The following LRRC53 variants were observed in gnomAD, a reference collection of about 807,000 sequenced individuals.
The protein encoded by LRRC53 is leucine-rich repeat-containing protein 53.
In LRRC53, 25 loss-of-function variants were observed where a neutral mutation model predicts 13.6. The ratio of observed to expected loss-of-function variants is 1.83; its 90% CI spans 1.34 to 2.56. The LOEUF (loss-of-function observed/expected upper bound fraction) is 2.56, where lower values mean the gene tolerates loss of function less well. Among genes scored for constraint, LRRC53 ranks in the 30% most tolerant of loss-of-function variants. LRRC53 has a pLI of 0.00. For synonymous variants in LRRC53, 204 were observed against 109.8 expected (o/e 1.86, Z -5.37); for missense variants, 527 against 275.8 (o/e 1.91, Z -6.45).
chr1:74,505,644 A>G (rs2100358025), intron 1 of LRRC53, among the ~76,000 whole-genome samples: 1 of 152,182 alleles, frequency 6.6e-6, no homozygotes, highest in Middle Eastern at 3.4e-3. Context: ...CCTTTTGCTT[A>G]CTCGTATTTG....
At chr1:74,485,917 T>G (rs1668734701) in intron 1 of LRRC53, among the ~76,000 whole-genome samples, 1 of 152,110 alleles carries the variant, frequency 6.6e-6, no homozygotes, top group Admixed American at 6.6e-5. Context: ...GCCTTGAGCC[T>G]CAGATGAGAA....
intron 3 of LRRC53, among the ~76,000 whole-genome samples, chr1:74,477,553 A>G: frequency 6.6e-6 from 1 of 152,194 alleles, no homozygotes; most frequent in East Asian, 1.9e-4. Context: ...TGAAGGAACA[A>G]AAGGGCTAAG....
At position 74,470,921 on chromosome 1, in the gene LRRC53, T is replaced by C. The variant is rs1667896029; in HGVS notation, c.2701A>G (p.Thr901Ala). The C allele has an allele frequency of 2.5e-6, 1 of 400,628 alleles. No individual in the cohort carries two copies. The highest frequency in any genetic ancestry group is 2.1e-5 in the African/African-American group (1 of 48,708). The allele number at this position is 400,628 out of a possible 1,614,324, so 24.8% of individuals were successfully genotyped here. A position where few individuals can be genotyped will look rare whatever the true frequency, so the allele number is the denominator to read the frequency against. Residue 901 changes from threonine to alanine, a missense_variant, in exon 5 of 5, where the codon ACA (threonine) becomes GCA (alanine). By Grantham distance (58) the Thr-to-Ala change is moderately conservative (BLOSUM62 0). Transcript: ENST00000294635. ...QHSRRATDQGTTESTEHMGQN... is the reference protein window; with the variant it reads ...QHSRRATDQGATESTEHMGQN... ...CCCATGTGCTCAGTGGACTCCGTTG[T>C]CCCTTGGTCAGTAGCCCTCCTGGAA...
intron 3 of LRRC53, among the ~76,000 whole-genome samples, chr1:74,478,924 T>C (rs967876901): frequency 6.6e-6 from 1 of 152,170 alleles, no homozygotes; most frequent in Non-Finnish European, 1.5e-5. Context: ...AAAGAATTTA[T>C]TTTCCTAACA....
chr1:74,500,897 T>C (rs1482367484), intron 1 of LRRC53, among the ~76,000 whole-genome samples: 1 of 152,094 alleles, frequency 6.6e-6, no homozygotes, highest in East Asian at 1.9e-4. Context: ...TTTAGAAGTC[T>C]TCTTTATCTT....
chr1:74,470,035 A>T lies in LRRC53; in HGVS notation c.3587T>A (p.Leu1196His). 2.5e-6 allele frequency: 1 copy of T among 400,730 alleles called. No individual in the cohort carries two copies. The highest frequency in any genetic ancestry group is 4.4e-6 in the Non-Finnish European group (1 of 226,172). 24.8% of individuals were successfully genotyped at this position (400,730 alleles called of 1,614,324 possible). ...GAMTVETHEALSFLPGLKDSF... is the reference protein window; with the variant it reads ...GAMTVETHEAHSFLPGLKDSF... ...GTCTTTTAACCCTGGTAAGAAGGAA[A>T]GCGCTTCATGTGTCTCCACTGTCAT... The change falls in exon 5 of 5, where the codon CTT (leucine) becomes CAT (histidine). Residue 1196 changes from leucine (L) to histidine (H), a missense_variant. By Grantham distance (99) the Leu-to-His change is moderately conservative. Coordinates refer to ENST00000294635, the MANE Select transcript of LRRC53 (RefSeq NM_001382280.1).
intron 1 of LRRC53, among the ~76,000 whole-genome samples, chr1:74,505,785 G>T (rs566048216): frequency 6.6e-6 from 1 of 152,220 alleles, no homozygotes; most frequent in East Asian, 1.9e-4. Context: ...AAAAATACTG[G>T]ACCCAGGAAG....
chr1:74,516,664 A>G (rs1646352528), upstream of LRRC53, among the ~76,000 whole-genome samples: 1 of 152,136 alleles, frequency 6.6e-6, no homozygotes, highest in African/African-American at 2.4e-5. Flanking sequence ...ATGGTCAGCC[A>G]CGTTTAAAAA....
the LRRC53 span, among the ~76,000 whole-genome samples, chr1:74,530,693 A>G: frequency 6.6e-6 from 1 of 150,516 alleles, no homozygotes; most frequent in East Asian, 2.0e-4. Context: ...AGTGGGCCTT[A>G]TCACTGTCAT....
intron 1 of LRRC53, among the ~76,000 whole-genome samples, chr1:74,506,436 A>AT (rs1401434473): frequency 6.6e-6 from 1 of 152,132 alleles, no homozygotes; most frequent in Non-Finnish European, 1.5e-5. Context: ...AAAGCCCATG[A>AT]TTTTTTTACT....
chr1:74,487,840 G>T (rs1166424144), intron 1 of LRRC53, among the ~76,000 whole-genome samples: 1 of 152,168 alleles, frequency 6.6e-6, no homozygotes, highest in Non-Finnish European at 1.5e-5. Context: ...ATCAAAGCTT[G>T]TTGGAGTCAG....
the LRRC53 span, among the ~76,000 whole-genome samples, chr1:74,527,061 T>C: frequency 2.6e-5 from 4 of 152,186 alleles, no homozygotes; most frequent in African/African-American, 9.7e-5. Flanking sequence ...AGCATAAAAA[T>C]CTATATTTGT....
At chr1:74,513,216 G>A (rs1448469315), upstream of LRRC53, among the ~76,000 whole-genome samples, 1 of 152,188 alleles carries the variant, frequency 6.6e-6, no homozygotes, top group Admixed American at 6.5e-5. Flanking sequence ...AGAGGTCCAC[G>A]TGTGCTTTCC....
intron 1 of LRRC53, chr1:74,492,205 A>G: frequency 6.2e-7 from 1 of 1,613,096 alleles, no homozygotes; most frequent in Non-Finnish European, 8.5e-7. Context: ...GGCAGCATTA[A>G]GAAGTCGTTT....
chr1:74,533,770 G>T, the LRRC53 span, among the ~76,000 whole-genome samples: 1 of 152,060 alleles, frequency 6.6e-6, no homozygotes, highest in Non-Finnish European at 1.5e-5. Flanking sequence ...TAGGGACATG[G>T]ATGAAATTGG....
At chr1:74,490,915 G>T (rs564966094) in intron 1 of LRRC53, among the ~76,000 whole-genome samples, 2 of 152,140 alleles carry the variant, frequency 1.3e-5, no homozygotes, top group Admixed American at 1.3e-4. Flanking sequence ...GTATCAAATG[G>T]TGGAGACCTG....
In LRRC53 at chr1:74,475,389, T is replaced by C; in HGVS notation, c.1326A>G (p.Thr442=). 1.4e-6 allele frequency: 1 copy of C among 717,112 alleles called. No individual in the cohort carries two copies. Among genetic ancestry groups the C allele is most frequent in the Non-Finnish European group, 2.6e-6 (1 of 384,848 alleles). 44.4% of individuals were successfully genotyped at this position (717,112 alleles called of 1,614,324 possible). ...TTTGAACTTTCCTTGGATTATATGT[T>C]GTAAGTAAGCCTGCTTCATTAAAAG... is the stretch of plus-strand genomic sequence containing the variant. ...MRAFNEAGLL[T]TYNPRKVQKL... is the part of the protein sequence containing the mutation. Residue 442 remains threonine, a synonymous_variant, in exon 4 of 5, where the codon ACA becomes ACG. Coordinates refer to ENST00000294635, the MANE Select transcript of LRRC53 (RefSeq NM_001382280.1).
At chr1:74,494,561 T>C (rs1362410014) in intron 1 of LRRC53, among the ~76,000 whole-genome samples, 1 of 152,196 alleles carries the variant, frequency 6.6e-6, no homozygotes, top group Non-Finnish European at 1.5e-5. Flanking sequence ...TATCTTCTGT[T>C]CTTATTCTCT....
At chr1:74,513,180 T>A (rs1322251937), upstream of LRRC53, among the ~76,000 whole-genome samples, 4 of 152,162 alleles carry the variant, frequency 2.6e-5, no homozygotes, top group Admixed American at 2.6e-4. Flanking sequence ...GAGGAAATGG[T>A]TGTGGAGAAA....
Sources: allele counts gnomAD v4.1 joint callset (sites outside exome capture counted in the v4.1 genomes callset), GRCh38; gene constraint gnomAD v4.1.1; transcripts MANE v1.5; gene names NCBI Gene and HGNC (gene_info 2026-07-23, HGNC 2026-07-21).